SEMA5B: variants seen among roughly 807,000 people sequenced by gnomAD.
SEMA5B encodes the protein semaphorin-5B.
In SEMA5B, 66 loss-of-function variants were observed where a neutral mutation model predicts 135.0. The ratio of observed to expected loss-of-function variants is 0.49; its 90% CI spans 0.40 to 0.60. SEMA5B has a LOEUF of 0.60. SEMA5B is among the 20% of genes least tolerant of loss of function. The pLI, the probability that SEMA5B is intolerant of heterozygous loss-of-function variation, is 0.00. For synonymous variants in SEMA5B, 690 were observed against 639.5 expected (o/e 1.08, Z -1.19); for missense variants, 1,501 against 1,566.3 (o/e 0.96, Z 0.70).
At chr3:122,994,721 A>G (rs947290773) in intron 1 of SEMA5B, among the ~76,000 whole-genome samples, 6 of 152,192 alleles carry the variant, frequency 3.9e-5, no homozygotes, top group Non-Finnish European at 7.3e-5. Flanking sequence ...GTGTAAATGT[A>G]TCAATTGTGT....
chr3:122,911,107 G>T, intron 21 of SEMA5B, 62 bp from the exon 22 acceptor site: 1 of 1,391,900 alleles, frequency 7.2e-7, no homozygotes, highest in Non-Finnish European at 9.9e-7. Context: ...ACTCCTGCCT[G>T]CCTCCCTGGG....
At chr3:123,001,590 A>C (rs1942175989) in intron 1 of SEMA5B, among the ~76,000 whole-genome samples, 1 of 152,224 alleles carries the variant, frequency 6.6e-6, no homozygotes, top group African/African-American at 2.4e-5. Context: ...TTTATAATGT[A>C]CTGAAGAATG....
At position 122,912,892 on chromosome 3, in the gene SEMA5B, G is replaced by A; in HGVS notation, c.2676C>T (p.Cys892=). The change falls in exon 18 of 23, where the codon TGC becomes TGT. Residue 892 remains cysteine, a synonymous_variant. Coordinates refer to ENST00000357599, the MANE Select transcript of SEMA5B (RefSeq NM_001031702.4). ...NPEPRNGGLP[C]VGDAAEYQDC... is the part of the protein sequence containing the mutation. ...CCTGGTACTCGGCAGCATCGCCCAC[G>A]CAGGGCAGGCCCCCGTTGCGGGGCT... 1 of 1,609,360 alleles carries A rather than the reference G, an allele frequency of 6.2e-7. No individual in the cohort carries two copies. Among genetic ancestry groups the A allele is most frequent in the African/African-American group, 1.3e-5 (1 of 74,714 alleles).
intron 5 of SEMA5B, among the ~76,000 whole-genome samples, chr3:122,930,602 G>C (rs538469828): frequency 6.6e-6 from 1 of 152,354 alleles, no homozygotes; most frequent in East Asian, 1.9e-4. Flanking sequence ...ATGAGCAAAG[G>C]GTCCTCGAGT....
Position 122,913,481 on chromosome 3 carries a change from C to T in SEMA5B, c.2280+53G>A, listed in dbSNP as rs1576328076. The T allele has an allele frequency of 6.4e-6, 10 of 1,574,326 alleles. No homozygotes were observed. The East Asian group carries it at 2.3e-4, about 36-fold the overall frequency. ...CCCACGGCCTCCAGGCCCGCCCTCCCCTCGGCTCCAGTACCCTACACCGCG... is the reference window on the plus strand; with the variant it reads ...CCCACGGCCTCCAGGCCCGCCCTCCTCTCGGCTCCAGTACCCTACACCGCG... On this transcript the variant is annotated intron_variant, in intron 16 of 22. Transcript: ENST00000357599.
chr3:122,925,021 T>G (rs1189377683), intron 9 of SEMA5B, among the ~76,000 whole-genome samples: 1 of 152,198 alleles, frequency 6.6e-6, no homozygotes, highest in East Asian at 1.9e-4. Context: ...ATGCAATCAA[T>G]ACACTATTTA....
rs919092678 is a variant in SEMA5B, at chr3:122,936,147, T to C, written c.474+3278A>G. Among the ~76,000 whole-genome samples, 13 of 152,212 alleles carry C rather than the reference T, an allele frequency of 8.5e-5. 1 individual carries two copies. The highest frequency in any genetic ancestry group is 7.9e-4 in the Admixed American group (12 of 15,284). ...TGGAGAGAGACGTGTCTGATCAATCTGGAACACAGAGTGCTTTAAACAAGG... is the reference window on the plus strand; with the variant it reads ...TGGAGAGAGACGTGTCTGATCAATCCGGAACACAGAGTGCTTTAAACAAGG... On this transcript the variant is annotated intron_variant, in intron 5 of 22. Coordinates refer to ENST00000357599, the MANE Select transcript of SEMA5B (RefSeq NM_001031702.4).
intron 12 of SEMA5B, among the ~76,000 whole-genome samples, chr3:122,916,190 G>T (rs534450789): frequency 6.6e-6 from 1 of 152,192 alleles, no homozygotes; most frequent in Non-Finnish European, 1.5e-5. Context: ...GAGACTGCAC[G>T]TTTAAAAGAG....
intron 1 of SEMA5B, among the ~76,000 whole-genome samples, chr3:122,981,984 G>A (rs1015823714): frequency 2.6e-5 from 4 of 152,218 alleles, no homozygotes; most frequent in Non-Finnish European, 5.9e-5. Context: ...CTCAAGTCAG[G>A]GCTGGAGTGA....
At chr3:122,987,910 T>C (rs1941751221) in intron 1 of SEMA5B, among the ~76,000 whole-genome samples, 1 of 152,088 alleles carries the variant, frequency 6.6e-6, no homozygotes. Flanking sequence ...TGCTCCAGAA[T>C]GTGGTTACTG....
chr3:122,959,579 CAAG>C (rs56129104), intron 2 of SEMA5B, among the ~76,000 whole-genome samples: 80,313 of 151,732 alleles, frequency 0.53, 21,643 homozygotes, highest in East Asian at 0.72. Context: ...GGAATGAAAA[CAAG>C]AAGAATATAA....
At chr3:122,939,375 C>T (rs1304338628) in intron 5 of SEMA5B, 50 bp downstream of exon 5, 5 of 1,469,398 alleles carry the variant, frequency 3.4e-6, no homozygotes, top group Non-Finnish European at 4.8e-6. Flanking sequence ...CTGCCTTGGG[C>T]TCTGGAATAG....
At chr3:122,980,477 A>G (rs1941487374) in intron 1 of SEMA5B, among the ~76,000 whole-genome samples, 1 of 144,926 alleles carries the variant, frequency 6.9e-6, no homozygotes, top group Non-Finnish European at 1.5e-5. Flanking sequence ...AAAAAAAAAA[A>G]GGACCAAGGA....
Position 122,948,631 on chromosome 3 carries a change from G to GA in SEMA5B, c.202dup (p.Ser68PhefsTer23). On this transcript the variant is annotated frameshift_variant, in exon 3 of 23. Coordinates refer to ENST00000357599, the MANE Select transcript of SEMA5B (RefSeq NM_001031702.4). LOFTEE classifies it high-confidence loss of function. ...CAGTGTGAGGCTGGGCAGCAACAGC[G>GA]AGACAGCCAGGGGGCCTGCAAGCAC... 1 of 1,613,946 alleles carries GA rather than the reference G, an allele frequency of 6.2e-7. No homozygotes were observed. Among genetic ancestry groups the GA allele is most frequent in the South Asian group, 1.1e-5 (1 of 91,040 alleles).
chr3:122,909,939 G>A lies in SEMA5B; in HGVS notation c.*204C>T. On this transcript the variant is annotated 3_prime_UTR_variant, in exon 23 of 23. Coordinates refer to ENST00000357599, the MANE Select transcript of SEMA5B (RefSeq NM_001031702.4). ...AGACCTGGGCTGAACTGGACCTGCG[G>A]CCATATGTCAGCCTGAAACCAGCCC... 1.7e-6 allele frequency: 1 copy of A among 585,886 alleles called. No homozygotes were observed. The highest frequency in any genetic ancestry group is 3.0e-6 in the Non-Finnish European group (1 of 330,230). The allele number at this position is 585,886 out of a possible 1,614,324, so 36.3% of individuals were successfully genotyped here.
chr3:122,974,399 C>G (rs1430937871), intron 1 of SEMA5B, among the ~76,000 whole-genome samples: 1 of 152,252 alleles, frequency 6.6e-6, no homozygotes, highest in African/African-American at 2.4e-5. Flanking sequence ...TGCACACTCG[C>G]CTGCGCACAT....
chr3:122,951,678 C>G (rs189864347), intron 2 of SEMA5B, among the ~76,000 whole-genome samples: 1 of 152,372 alleles, frequency 6.6e-6, no homozygotes, highest in African/African-American at 2.4e-5. Flanking sequence ...GGATCCCTGA[C>G]AGGAGCTGGG....
intron 5 of SEMA5B, 32 bp downstream of exon 5, chr3:122,939,393 T>G: frequency 1.9e-6 from 3 of 1,572,518 alleles, no homozygotes; most frequent in Non-Finnish European, 2.6e-6. Context: ...TAGGGGAAAT[T>G]ATAGGAAGGG....
intron 13 of SEMA5B, 50 bp downstream of exon 13, chr3:122,915,723 C>T (rs765917676): frequency 6.2e-7 from 1 of 1,606,252 alleles, no homozygotes. Flanking sequence ...GGAGTCATAG[C>T]CTGAATTGAA....
Sources: allele counts gnomAD v4.1 joint callset (sites outside exome capture counted in the v4.1 genomes callset), GRCh38; gene constraint gnomAD v4.1.1; transcripts MANE v1.5; gene names NCBI Gene and HGNC (gene_info 2026-07-23, HGNC 2026-07-21).